The following AGAP1 variants were observed in gnomAD, a reference collection of about 807,000 sequenced individuals.
AGAP1 encodes the protein arf-GAP with GTPase, ANK repeat and PH domain-containing protein 1.
AGAP1 carries 29 observed loss-of-function variants against 105.3 expected under a neutral mutation model. The ratio of observed to expected loss-of-function variants is 0.28; its 90% CI spans 0.21 to 0.38. AGAP1 has a LOEUF of 0.38. Ranked by LOEUF, AGAP1 falls within the 10% of genes least tolerant of loss-of-function variation. The pLI is 1.00. For synonymous variants in AGAP1, 509 were observed against 485.9 expected (o/e 1.05, Z -0.63); for missense variants, 998 against 1,165.1 (o/e 0.86, Z 2.09).
chr2:235,749,962 C>T (rs78326965), intron 5 of AGAP1, among the ~76,000 whole-genome samples: 3,226 of 152,252 alleles, frequency 0.021, 94 homozygotes, highest in African/African-American at 0.067. Context: ...AGTGACCACA[C>T]CTAGAAGAAG....
rs752083227 is a variant in AGAP1 at position 235,655,308 on chromosome 2, TGTG to T, written c.164-53867_164-53865del. On this transcript the variant is annotated intron_variant, in intron 1 of 17. Transcript: ENST00000304032. The surrounding 1 kb of genome is among the most constrained non-coding windows in gnomAD (Gnocchi z 4.3). ...TTCGTAGCCTGGTATATGCATTCCT[TGTG>T]GTGTGTATTAATAAATTGAGTAGGT... is the stretch of plus-strand genomic sequence containing the variant. Among the ~76,000 whole-genome samples, 21 of 152,186 alleles carry T rather than the reference TGTG, an allele frequency of 1.4e-4. No individual in the cohort carries two copies. Among genetic ancestry groups the T allele is most frequent in the African/African-American group, 4.1e-4 (17 of 41,444 alleles).
intron 16 of AGAP1, among the ~76,000 whole-genome samples, chr2:236,057,007 G>C (rs1198038336): frequency 6.6e-6 from 1 of 152,214 alleles, no homozygotes; most frequent in East Asian, 1.9e-4. Flanking sequence ...AATGAGTAGT[G>C]CAAACATATT....
At chr2:235,697,960 A>G (rs1446916357) in intron 1 of AGAP1, among the ~76,000 whole-genome samples, 2 of 152,190 alleles carry the variant, frequency 1.3e-5, no homozygotes, top group African/African-American at 4.8e-5. Context: ...TCTAAGCTGC[A>G]GTCGAAATTA....
In AGAP1 at chr2:235,807,224, C is replaced by G. The variant is rs756733995; in HGVS notation, c.958-15C>G. ...CAGCCCTTACCCAGATGCCAACTTT[C>G]CTTTTGCTTTGCAGTCTCGGAAAGG... On this transcript the variant is annotated splice_polypyrimidine_tract_variant and intron_variant, in intron 8 of 17. Coordinates refer to ENST00000304032, the MANE Select transcript of AGAP1 (RefSeq NM_001037131.3). 9.9e-6 allele frequency: 16 copies of G among 1,608,850 alleles called. No individual in the cohort carries two copies. The East Asian group carries it at 3.4e-4, about 34-fold the overall frequency.
intron 1 of AGAP1, among the ~76,000 whole-genome samples, chr2:235,604,643 C>T (rs1341158457): frequency 8.3e-6 from 1 of 120,714 alleles, no homozygotes; most frequent in Non-Finnish European, 1.6e-5. Context: ...AGTGCAGTGG[C>T]ACGATCTTGG....
chr2:236,040,649 A>G lies in AGAP1; in HGVS notation c.1801-102A>G, dbSNP rs1050455653. The G allele has an allele frequency of 9.4e-7, 1 of 1,060,004 alleles. No individual in the cohort carries two copies. Among genetic ancestry groups the G allele is most frequent in the Non-Finnish European group, 1.4e-6 (1 of 714,782 alleles). The allele number at this position is 1,060,004 out of a possible 1,614,324, so 65.7% of individuals were successfully genotyped here. On this transcript the variant is annotated intron_variant, in intron 14 of 17. Coordinates refer to ENST00000304032, the MANE Select transcript of AGAP1 (RefSeq NM_001037131.3). The surrounding 1 kb of genome is among the most constrained non-coding windows in gnomAD (Gnocchi z 5.6). Reference sequence around the variant, plus strand: ...ATTGTTTAGAAATTACCCTCGTCCTACATTTGCTCCCAATCTGTTTGATCT... The same window carrying G: ...ATTGTTTAGAAATTACCCTCGTCCTGCATTTGCTCCCAATCTGTTTGATCT...
chr2:235,655,485 G>T lies in AGAP1; in HGVS notation c.164-53694G>T, dbSNP rs1202540334. ...GTGCCCAGTCCTTCATTGCCTCATG[G>T]GCTCTCTAGTCTTACTTTTGATCCC... On this transcript the variant is annotated intron_variant, in intron 1 of 17. Coordinates refer to ENST00000304032, the MANE Select transcript of AGAP1 (RefSeq NM_001037131.3). This position sits in a 1 kb window ranked among gnomAD's most constrained non-coding sequence, Gnocchi z 4.3. Among the ~76,000 whole-genome samples the T allele has an allele frequency of 6.6e-6, 1 of 152,046 alleles. No individual in the cohort carries two copies. Among genetic ancestry groups the T allele is most frequent in the Non-Finnish European group, 1.5e-5 (1 of 68,018 alleles).
chr2:235,975,366 C>T (rs980210000), intron 13 of AGAP1, among the ~76,000 whole-genome samples: 1 of 152,032 alleles, frequency 6.6e-6, no homozygotes, highest in Non-Finnish European at 1.5e-5. Context: ...TGCAGGAAAG[C>T]AATACGTGGG....
chr2:236,081,460 C>T (rs7580604), intron 16 of AGAP1, among the ~76,000 whole-genome samples: 3,152 of 152,260 alleles, frequency 0.021, 115 homozygotes, highest in African/African-American at 0.072. Flanking sequence ...GTCCTCCACC[C>T]GACTGAGAGT....
intron 1 of AGAP1, among the ~76,000 whole-genome samples, chr2:235,529,549 C>T (rs1942974085): frequency 2.6e-5 from 4 of 152,122 alleles, no homozygotes; most frequent in Admixed American, 2.6e-4. Flanking sequence ...GCATCAGACT[C>T]CAGTTAATAC....
rs1470453564 is a variant in AGAP1 at position 235,712,014 on chromosome 2, GT to G, written c.222+2781del. On this transcript the variant is annotated intron_variant, in intron 2 of 17. Coordinates refer to ENST00000304032, the MANE Select transcript of AGAP1 (RefSeq NM_001037131.3). The surrounding 1 kb of genome is among the most constrained non-coding windows in gnomAD (Gnocchi z 6.0). ...CAAGAGTGGTAGTACCATGCCTTAT[GT>G]TTTATTTTCTTTCTTTCTTTTTTTT... Among the ~76,000 whole-genome samples, 1 of 151,996 alleles carries G rather than the reference GT, an allele frequency of 6.6e-6. No homozygotes were observed. Among genetic ancestry groups the G allele is most frequent in the Non-Finnish European group, 1.5e-5 (1 of 67,990 alleles).
chr2:235,812,874 G>A (rs1379810827), intron 9 of AGAP1, among the ~76,000 whole-genome samples: 1 of 152,246 alleles, frequency 6.6e-6, no homozygotes, highest in East Asian at 1.9e-4. Context: ...GCTCTGCCTG[G>A]GCGTAGGGGC....
Position 236,113,991 on chromosome 2 carries a change from C to T in AGAP1, c.2115-6201C>T, listed in dbSNP as rs1460868092. 2.6e-5 allele frequency among the ~76,000 whole-genome samples: 4 copies of T among 152,124 alleles called. No individual in the cohort carries two copies. The highest frequency in any genetic ancestry group is 4.4e-5 in the Non-Finnish European group (3 of 68,032). Reference sequence around the variant, plus strand: ...GGTCAGTGCCTTTCTTCTGATGAGTCGCCCATTCCCTCATTTTCCCTCACT... The same window carrying T: ...GGTCAGTGCCTTTCTTCTGATGAGTTGCCCATTCCCTCATTTTCCCTCACT... On this transcript the variant is annotated intron_variant, in intron 16 of 17. Transcript: ENST00000304032. The surrounding 1 kb of genome is among the most constrained non-coding windows in gnomAD (Gnocchi z 4.3).
At position 235,750,210 on chromosome 2, in the gene AGAP1, C is replaced by A; in HGVS notation, c.539-144C>A. Reference sequence around the variant, plus strand: ...GTGTTTGAGTCTCTTAGTTGGGAGGCAAACGATGCTCTACAATTCCAGATT... The same window carrying A: ...GTGTTTGAGTCTCTTAGTTGGGAGGAAAACGATGCTCTACAATTCCAGATT... On this transcript the variant is annotated intron_variant, in intron 5 of 17. Coordinates refer to ENST00000304032, the MANE Select transcript of AGAP1 (RefSeq NM_001037131.3). The surrounding 1 kb of genome is among the most constrained non-coding windows in gnomAD (Gnocchi z 5.3). The A allele has an allele frequency of 8.3e-7, 1 of 1,201,338 alleles. No individual in the cohort carries two copies. Among genetic ancestry groups the A allele is most frequent in the Non-Finnish European group, 1.2e-6 (1 of 849,662 alleles). 74.4% of individuals were successfully genotyped at this position (1,201,338 alleles called of 1,614,324 possible).
Position 235,967,702 on chromosome 2 carries a change from T to C in AGAP1, c.1484-760T>C, listed in dbSNP as rs1204702476. ...TCCTGCACGTTTTCAGTGGGCTTTTTTCCACCCGGCTTGAATTATATGCGC... is the reference window on the plus strand; with the variant it reads ...TCCTGCACGTTTTCAGTGGGCTTTTCTCCACCCGGCTTGAATTATATGCGC... On this transcript the variant is annotated intron_variant, in intron 12 of 17. Coordinates refer to ENST00000304032, the MANE Select transcript of AGAP1 (RefSeq NM_001037131.3). The surrounding 1 kb of genome is among the most constrained non-coding windows in gnomAD (Gnocchi z 4.7). 5.3e-5 allele frequency among the ~76,000 whole-genome samples: 8 copies of C among 152,258 alleles called. No individual in the cohort carries two copies. The highest frequency in any genetic ancestry group is 1.9e-4 in the African/African-American group (8 of 41,472).
In AGAP1 at chr2:236,056,906, G is replaced by T. The variant is rs1422777290; in HGVS notation, c.2114+7625G>T. Among the ~76,000 whole-genome samples the T allele has an allele frequency of 1.3e-5, 2 of 152,162 alleles. No individual in the cohort carries two copies. The highest frequency in any genetic ancestry group is 6.5e-5 in the Admixed American group (1 of 15,276). On this transcript the variant is annotated intron_variant, in intron 16 of 17. Coordinates refer to ENST00000304032, the MANE Select transcript of AGAP1 (RefSeq NM_001037131.3). This position sits in a 1 kb window ranked among gnomAD's most constrained non-coding sequence, Gnocchi z 4.6. ...TTCTGCCAAATCCACGTCAGTAGCG[G>T]CATTGGGAGAACCGCCATGTTTAGC...
At chr2:235,630,480 G>A (rs1465054317) in intron 1 of AGAP1, among the ~76,000 whole-genome samples, 1 of 152,128 alleles carries the variant, frequency 6.6e-6, no homozygotes, top group Non-Finnish European at 1.5e-5. Flanking sequence ...CAAAGTGCTG[G>A]GATTACAGGC....
chr2:235,711,814 G>GC (rs1004412043), intron 2 of AGAP1, among the ~76,000 whole-genome samples: 78 of 152,178 alleles, frequency 5.1e-4, no homozygotes, highest in African/African-American at 1.8e-3. Context: ...TCCTAGCGCA[G>GC]CCCCCCCAGG....
At chr2:235,512,736 C>G (rs776265856) in intron 1 of AGAP1, among the ~76,000 whole-genome samples, 1 of 152,228 alleles carries the variant, frequency 6.6e-6, no homozygotes, top group Non-Finnish European at 1.5e-5. Context: ...CTCCCTGGGC[C>G]TCCCACCCTG....
Sources: allele counts gnomAD v4.1 joint callset (sites outside exome capture counted in the v4.1 genomes callset), GRCh38; gene constraint gnomAD v4.1.1; non-coding constraint Gnocchi (gnomAD v3.1); transcripts MANE v1.5; gene names NCBI Gene and HGNC (gene_info 2026-07-23, HGNC 2026-07-21).